Variants in ARID4A observed in about 807,000 individuals in gnomAD.
ARID4A encodes the protein AT-rich interactive domain-containing protein 4A.
A neutral mutation model predicts 148.6 loss-of-function variants in ARID4A; 39 were observed. That is an observed-to-expected ratio of 0.26 (90% confidence interval 0.20 to 0.34). ARID4A has a LOEUF of 0.34. Ranked by LOEUF, ARID4A falls within the 10% of genes least tolerant of loss-of-function variation. The pLI, the probability that ARID4A is intolerant of heterozygous loss-of-function variation, is 1.00. For synonymous variants in ARID4A, 475 were observed against 481.2 expected, an observed-to-expected ratio of 0.99 and a Z score of 0.17; for missense variants, 1,265 against 1,449.1, an observed-to-expected ratio of 0.87 and a Z score of 2.06.
chr14:58,323,838 T>G (rs971023065), intron 8 of ARID4A, among the ~76,000 whole-genome samples: 1 of 151,798 alleles, frequency 6.6e-6, no homozygotes, highest in African/African-American at 2.4e-5. Flanking sequence ...TCTTTTATAT[T>G]TCTTCCCTCA....
intron 5 of ARID4A, among the ~76,000 whole-genome samples, chr14:58,314,758 T>C (rs1263031694): frequency 6.6e-6 from 1 of 152,142 alleles, no homozygotes; most frequent in Non-Finnish European, 1.5e-5. Context: ...TATTTCTCTT[T>C]CAGAAAATCT....
At chr14:58,329,897 G>T in intron 10 of ARID4A, 106 bp from the exon 11 acceptor site, 2 of 1,502,928 alleles carry the variant, frequency 1.3e-6, no homozygotes, top group Non-Finnish European at 1.8e-6. Context: ...TTTTATAAAT[G>T]ACAGCCGAAT....
chr14:58,347,695 C>T lies in ARID4A; in HGVS notation c.1221C>T (p.Phe407=), dbSNP rs1288890004. 3 of 1,613,626 alleles carry T rather than the reference C, an allele frequency of 1.9e-6. No homozygotes were observed. The highest frequency in any genetic ancestry group is 8.5e-7 in the Non-Finnish European group (1 of 1,179,890). The change falls in exon 15 of 24, where the codon TTC becomes TTT. Residue 407 remains phenylalanine (F), a synonymous_variant. Transcript: ENST00000355431. ...ACTGCCGTTCGGCAAATATTCAGTT[C>T]AGAACTGTTCATCACCATGAACCAA... The part of the protein sequence containing the change: ...EEYCRSANIQ[F]RTVHHHEPKV...
Position 58,300,806 on chromosome 14 carries a change from G to GA in ARID4A, c.7-760dup, listed in dbSNP as rs35202471. Among the ~76,000 whole-genome samples the GA allele has an allele frequency of 3.9e-3, 509 of 131,948 alleles. 1 individual carries two copies. Among genetic ancestry groups the GA allele is most frequent in the African/African-American group, 9.5e-3 (343 of 36,256 alleles). 86.6% of individuals were successfully genotyped at this position (131,948 alleles called of 152,430 possible). On this transcript the variant is annotated intron_variant, in intron 2 of 23. Coordinates refer to ENST00000355431, the MANE Select transcript of ARID4A (RefSeq NM_002892.4). The stretch of plus-strand genomic sequence containing the variant: ...TTGTATGGATACACTTTAACTTCCG[G>GA]AAAAAAAAAAAAAAGGTAAAATGAC...
chr14:58,335,665 G>A (rs1300471544), intron 11 of ARID4A, among the ~76,000 whole-genome samples: 1 of 152,048 alleles, frequency 6.6e-6, no homozygotes, highest in African/African-American at 2.4e-5. Flanking sequence ...GCAAGACTGC[G>A]TTCATCTTCT....
At chr14:58,340,707 A>T (rs2034075548) in intron 11 of ARID4A, among the ~76,000 whole-genome samples, 1 of 151,344 alleles carries the variant, frequency 6.6e-6, no homozygotes, top group Non-Finnish European at 1.5e-5. Context: ...CTGGTCTCGA[A>T]CTCCTGACCT....
rs2035111343 is a variant in ARID4A at position 58,361,022 on chromosome 14, C to T, written c.2060C>T (p.Ala687Val). ...ATGCCGTATGGCTTATCTAAGACAGCAAACAGTGAAGGAAAATCAGGTACC... is the reference window on the plus strand; with the variant it reads ...ATGCCGTATGGCTTATCTAAGACAGTAAACAGTGAAGGAAAATCAGGTACC... Reference protein sequence around the residue: ...SNMPYGLSKTANSEGKSDSCS... With the variant: ...SNMPYGLSKTVNSEGKSDSCS... The change falls in exon 19 of 24, where the codon GCA (alanine) becomes GTA (valine). Residue 687 changes from alanine to valine, a missense_variant. By Grantham distance (64) the Ala-to-Val change is moderately conservative. This residue lies in a region of ARID4A where 666 missense variants were observed against 730.9 expected (regional missense o/e 0.91). Coordinates refer to ENST00000355431, the MANE Select transcript of ARID4A (RefSeq NM_002892.4). 6.2e-7 allele frequency: 1 copy of T among 1,613,464 alleles called. No individual in the cohort carries two copies.
intron 11 of ARID4A, among the ~76,000 whole-genome samples, chr14:58,332,865 CTGT>C (rs1339521633): frequency 2.0e-5 from 3 of 152,122 alleles, no homozygotes; most frequent in Non-Finnish European, 4.4e-5. Context: ...ATACTCTAGT[CTGT>C]TATTTGTTGT....
chr14:58,346,631 T>C (rs540066376), intron 13 of ARID4A, 126 bp downstream of exon 13: 74 of 655,580 alleles, frequency 1.1e-4, no homozygotes, highest in Non-Finnish European at 1.7e-4. Flanking sequence ...AATATTAGGA[T>C]AAAGATCTTT....
chr14:58,317,324 G>C (rs1453811225), intron 5 of ARID4A, among the ~76,000 whole-genome samples: 14 of 135,806 alleles, frequency 1.0e-4, no homozygotes, highest in African/African-American at 3.3e-4. Flanking sequence ...TTGCTCTGTC[G>C]TAGAGGCTGG....
chr14:58,337,246 T>TTATATATATATA (rs57605969), intron 11 of ARID4A, among the ~76,000 whole-genome samples: 1,128 of 83,774 alleles, frequency 0.013, 83 homozygotes, highest in South Asian at 0.066. Context: ...TTCTCTTTAT[T>TTATATATATATA]TATATATATA....
At position 58,359,934 on chromosome 14, in the gene ARID4A, C is replaced by T. The variant is rs182428465; in HGVS notation, c.1938+718C>T. ...AGAAAAAATTAGCCGGTCGTGGTGG[C>T]CGGCGCCTGTAGTCCCAGCTACTCG... is the stretch of plus-strand genomic sequence containing the variant. On this transcript the variant is annotated intron_variant, in intron 18 of 23. Transcript: ENST00000355431. Among the ~76,000 whole-genome samples the T allele has an allele frequency of 1.2e-3, 178 of 152,184 alleles. 5 individuals carry two copies. In the East Asian group the frequency reaches 0.024, roughly 21 times the overall value.
chr14:58,323,674 AT>A (rs1041648362), intron 8 of ARID4A, 57 bp downstream of exon 8: 16 of 1,463,390 alleles, frequency 1.1e-5, no homozygotes, highest in African/African-American at 1.4e-5. Flanking sequence ...TTTTAAATGG[AT>A]TTTTTTAAAA....
At chr14:58,353,053 A>G (rs1372333629) in intron 16 of ARID4A, among the ~76,000 whole-genome samples, 1 of 152,266 alleles carries the variant, frequency 6.6e-6, no homozygotes, top group Non-Finnish European at 1.5e-5. Flanking sequence ...TTAAAATATA[A>G]ATTAGTTTAA....
At chr14:58,348,458 T>C (rs2034480162) in intron 15 of ARID4A, among the ~76,000 whole-genome samples, 1 of 152,212 alleles carries the variant, frequency 6.6e-6, no homozygotes, top group Non-Finnish European at 1.5e-5. Context: ...CTAGATGATA[T>C]CTTGTCTTTG....
In ARID4A at chr14:58,351,669, T is replaced by A. The variant is rs547406796; in HGVS notation, c.1655+346T>A. ...AACAGCGACAGCAAAAATTCCATTTTAAAAAAGGTACAATGTGGGAAAGCT... is the reference window on the plus strand; with the variant it reads ...AACAGCGACAGCAAAAATTCCATTTAAAAAAAGGTACAATGTGGGAAAGCT... On this transcript the variant is annotated intron_variant, in intron 16 of 23. Transcript: ENST00000355431. The A allele has an allele frequency of 6.9e-5, 13 of 189,750 alleles. 1 individual carries two copies. The highest frequency in any genetic ancestry group is 2.8e-4 in the African/African-American group (12 of 42,554). The allele number at this position is 189,750 out of a possible 1,614,324, so 11.8% of individuals were successfully genotyped here.
At chr14:58,321,221 C>T (rs2032866900) in intron 7 of ARID4A, among the ~76,000 whole-genome samples, 1 of 152,148 alleles carries the variant, frequency 6.6e-6, no homozygotes, top group African/African-American at 2.4e-5. Flanking sequence ...AACTTTGATT[C>T]ACAAATTTTA....
At chr14:58,327,877 C>T (rs1166351870) in intron 8 of ARID4A, among the ~76,000 whole-genome samples, 4 of 152,018 alleles carry the variant, frequency 2.6e-5, no homozygotes, top group Non-Finnish European at 4.4e-5. Flanking sequence ...CCCACTATGC[C>T]ACCCAGGCTG....
At chr14:58,333,896 ATAACT>A (rs1205071755) in intron 11 of ARID4A, among the ~76,000 whole-genome samples, 10 of 152,162 alleles carry the variant, frequency 6.6e-5, no homozygotes, top group Non-Finnish European at 1.2e-4. Context: ...AGTATATCTA[ATAACT>A]TAAGTTGCCA....
Sources: allele counts gnomAD v4.1 joint callset (sites outside exome capture counted in the v4.1 genomes callset), GRCh38; gene constraint gnomAD v4.1.1; regional missense constraint gnomAD v4.1.1; transcripts MANE v1.5; gene names NCBI Gene and HGNC (gene_info 2026-07-23, HGNC 2026-07-21).